IL1RAP: variants seen among roughly 807,000 people sequenced by gnomAD.
IL1RAP encodes interleukin-1 receptor accessory protein.
In IL1RAP, 35 loss-of-function variants were observed where a neutral mutation model predicts 60.7. That is an observed-to-expected ratio of 0.58 (90% CI 0.44 to 0.76). IL1RAP has a LOEUF of 0.76. IL1RAP is among the 30% of genes least tolerant of loss of function. IL1RAP has a pLI of 0.00. For synonymous variants in IL1RAP, 268 were observed against 250.9 expected (o/e 1.07, Z -0.64); for missense variants, 572 against 693.9 (o/e 0.82, Z 1.97).
At chr3:190,515,563 T>A (rs1378077579) in intron 1 of IL1RAP, among the ~76,000 whole-genome samples, 3 of 152,150 alleles carry the variant, frequency 2.0e-5, no homozygotes, top group Non-Finnish European at 4.4e-5. Context: ...ATGTGGATCA[T>A]GGATGCTTAG....
chr3:190,515,063 G>C (rs1463999463), intron 1 of IL1RAP, among the ~76,000 whole-genome samples: 2 of 152,194 alleles, frequency 1.3e-5, no homozygotes, highest in Non-Finnish European at 2.9e-5. Context: ...TTGTGAACCA[G>C]GGCGCCACGC....
chr3:190,621,139 A>G (rs934712074), intron 6 of IL1RAP, among the ~76,000 whole-genome samples: 2 of 152,186 alleles, frequency 1.3e-5, no homozygotes, highest in African/African-American at 4.8e-5. Context: ...TAAAAAAGAT[A>G]GCATCTCTGG....
intron 5 of IL1RAP, among the ~76,000 whole-genome samples, chr3:190,613,222 C>T (rs866262949): frequency 7.2e-5 from 11 of 152,198 alleles, no homozygotes; most frequent in East Asian, 1.9e-4. Flanking sequence ...CTGGTTTTCA[C>T]GAAAGGATGA....
intron 10 of IL1RAP, among the ~76,000 whole-genome samples, chr3:190,645,289 T>C (rs998063874): frequency 2.0e-5 from 3 of 152,232 alleles, no homozygotes; most frequent in African/African-American, 7.2e-5. Context: ...TTTAGTTCTT[T>C]TCAGATATAA....
chr3:190,538,948 C>T (rs1723701510), intron 1 of IL1RAP, among the ~76,000 whole-genome samples: 1 of 152,258 alleles, frequency 6.6e-6, no homozygotes, highest in South Asian at 2.1e-4. Flanking sequence ...TTCCTGAAGC[C>T]TCCCCAGCCA....
intron 3 of IL1RAP, among the ~76,000 whole-genome samples, chr3:190,589,648 T>A (rs1029175538): frequency 6.6e-6 from 1 of 152,162 alleles, no homozygotes; most frequent in Non-Finnish European, 1.5e-5. Flanking sequence ...TTCCTTTGAC[T>A]TTGTAATTTT....
intron 9 of IL1RAP, among the ~76,000 whole-genome samples, chr3:190,631,747 C>T (rs768811644): frequency 6.6e-6 from 1 of 152,086 alleles, no homozygotes; most frequent in Non-Finnish European, 1.5e-5. Context: ...TCAGTTAAAG[C>T]TAAGTATTAA....
At chr3:190,659,085 G>GCC (rs1734702569) in exon 12 of IL1RAP, 1 of 152,202 alleles carries the variant, frequency 6.6e-6, no homozygotes, top group Non-Finnish European at 1.5e-5. Flanking sequence ...CAAGGAGGGA[G>GCC]AAGATTCTCT....
downstream of IL1RAP, chr3:190,655,977 C>A: frequency 6.5e-7 from 1 of 1,537,264 alleles, no homozygotes; most frequent in South Asian, 1.2e-5. Flanking sequence ...AAAAGAGCAT[C>A]AGCATGCTGG....
chr3:190,634,232 A>G (rs1036303628), intron 9 of IL1RAP, among the ~76,000 whole-genome samples: 3 of 150,092 alleles, frequency 2.0e-5, no homozygotes, highest in Non-Finnish European at 4.4e-5. Flanking sequence ...CTTTTTATAT[A>G]TTACTGGATT....
At chr3:190,639,700 T>C (rs947896322) in intron 9 of IL1RAP, among the ~76,000 whole-genome samples, 7 of 152,354 alleles carry the variant, frequency 4.6e-5, no homozygotes, top group African/African-American at 1.4e-4. Flanking sequence ...TGTTACAATT[T>C]TGAGTTCTGA....
intron 1 of IL1RAP, among the ~76,000 whole-genome samples, chr3:190,530,935 A>G (rs1409286024): frequency 1.5e-5 from 2 of 132,314 alleles, no homozygotes; most frequent in African/African-American, 7.2e-5. Context: ...GGTTGTGATG[A>G]CCATCAAGTG....
At chr3:190,568,322 G>A (rs1435674660) in intron 3 of IL1RAP, among the ~76,000 whole-genome samples, 1 of 152,196 alleles carries the variant, frequency 6.6e-6, no homozygotes. Context: ...GGTGGCCCAA[G>A]TGCTCATGAT....
chr3:190,621,234 G>C (rs889009458), intron 6 of IL1RAP, among the ~76,000 whole-genome samples: 4 of 152,186 alleles, frequency 2.6e-5, no homozygotes, highest in Middle Eastern at 3.2e-3. Context: ...GACACTCAGT[G>C]AGTTACTTGA....
intron 9 of IL1RAP, among the ~76,000 whole-genome samples, chr3:190,640,899 AGAAGTTTAG>A (rs1305464391): frequency 2.0e-5 from 3 of 152,212 alleles, no homozygotes; most frequent in Non-Finnish European, 4.4e-5. Context: ...AATCAATGAG[AGAAGTTTAG>A]GAGTCCAGTT....
chr3:190,567,819 C>A (rs912041693), intron 3 of IL1RAP, among the ~76,000 whole-genome samples: 1 of 152,048 alleles, frequency 6.6e-6, no homozygotes, highest in Admixed American at 6.6e-5. Context: ...CCCAATATTC[C>A]TTTTTTTGCT....
chr3:190,517,692 A>C (rs1721650779), intron 1 of IL1RAP, among the ~76,000 whole-genome samples: 2 of 152,222 alleles, frequency 1.3e-5, no homozygotes, highest in African/African-American at 4.8e-5. Context: ...TGCTTTTGGC[A>C]TTTTGGAGCA....
chr3:190,560,604 A>T (rs1368082729), intron 2 of IL1RAP, among the ~76,000 whole-genome samples: 2 of 152,166 alleles, frequency 1.3e-5, no homozygotes, highest in African/African-American at 4.8e-5. Flanking sequence ...TGATCTGGTG[A>T]AGTGCTGCTG....
At chr3:190,607,844 A>T (rs1326325963) in intron 4 of IL1RAP, among the ~76,000 whole-genome samples, 1 of 152,082 alleles carries the variant, frequency 6.6e-6, no homozygotes, top group African/African-American at 2.4e-5. Context: ...TATTGATTTT[A>T]ATGTTTTCCT....
Sources: allele counts gnomAD v4.1 joint callset (sites outside exome capture counted in the v4.1 genomes callset), GRCh38; gene constraint gnomAD v4.1.1; transcripts MANE v1.5; gene names NCBI Gene and HGNC (gene_info 2026-07-23, HGNC 2026-07-21).